The following CNNM2 variants were observed in gnomAD, a reference collection of about 807,000 sequenced individuals.
CNNM2 encodes the protein cyclin and CBS domain divalent metal cation transport mediator 2.
CNNM2 carries 12 observed loss-of-function variants against 66.9 expected under a neutral mutation model. The observed-to-expected ratio is 0.18, with a 90% CI of 0.11 to 0.29. CNNM2 has a LOEUF of 0.29. CNNM2 is among the 10% of genes least tolerant of loss of function. The pLI is 1.00. For synonymous variants in CNNM2, 557 were observed against 501.8 expected (o/e 1.11, Z -1.47); for missense variants, 705 against 1,167.7 (o/e 0.60, Z 5.77).
chr10:102,961,761 CAA>C (rs2063383301), intron 1 of CNNM2, among the ~76,000 whole-genome samples: 1 of 151,948 alleles, frequency 6.6e-6, no homozygotes, highest in African/African-American at 2.4e-5. Context: ...GAAAATTTTA[CAA>C]AGTTTTAAAA....
intron 1 of CNNM2, among the ~76,000 whole-genome samples, chr10:102,950,273 G>T (rs566710239): frequency 2.6e-5 from 4 of 152,126 alleles, no homozygotes; most frequent in Non-Finnish European, 4.4e-5. Flanking sequence ...AGGTAAAAAT[G>T]AAATGTTTGT....
At chr10:103,072,787 G>T (rs1321686234) in intron 6 of CNNM2, among the ~76,000 whole-genome samples, 1 of 152,098 alleles carries the variant, frequency 6.6e-6, no homozygotes, top group Non-Finnish European at 1.5e-5. Flanking sequence ...CATAAACTTG[G>T]CCACAAAACC....
At position 102,918,777 on chromosome 10, in the gene CNNM2, C is replaced by T. The variant is rs552030425; in HGVS notation, c.297C>T (p.Thr99=). 2.0e-5 allele frequency: 32 copies of T among 1,598,974 alleles called. No individual in the cohort carries two copies. The South Asian group carries it at 3.0e-4, about 15-fold the overall frequency. Residue 99 remains threonine, a synonymous_variant, in exon 1 of 8, where the codon ACC becomes ACT. Coordinates refer to ENST00000369878, the MANE Select transcript of CNNM2 (RefSeq NM_017649.5). This position sits in a 1 kb window ranked among gnomAD's most constrained non-coding sequence, Gnocchi z 4.1. ...EGGALRVSER[T]RVKLRVYGQN... ...GGGCGCTGCGGGTGAGCGAACGGAC[C>T]CGGGTCAAGCTGCGGGTGTACGGGC...
intron 1 of CNNM2, among the ~76,000 whole-genome samples, chr10:102,946,593 G>A (rs1846626357): frequency 6.6e-6 from 1 of 151,966 alleles, no homozygotes; most frequent in African/African-American, 2.4e-5. Flanking sequence ...ATTCTTCCCT[G>A]CTTGTGCAAC....
chr10:103,010,892 C>T (rs571925716), intron 1 of CNNM2, among the ~76,000 whole-genome samples: 2 of 152,240 alleles, frequency 1.3e-5, no homozygotes, highest in South Asian at 4.1e-4. Flanking sequence ...GGATTACAGG[C>T]GTAAGCTACC....
At chr10:102,952,435 G>T (rs1403551413) in intron 1 of CNNM2, among the ~76,000 whole-genome samples, 2 of 151,894 alleles carry the variant, frequency 1.3e-5, no homozygotes, top group African/African-American at 4.8e-5. Context: ...GTGGTGGCGG[G>T]TGCCTGTAGT....
At chr10:103,072,053 A>G (rs967716116) in intron 6 of CNNM2, among the ~76,000 whole-genome samples, 1 of 152,130 alleles carries the variant, frequency 6.6e-6, no homozygotes, top group African/African-American at 2.4e-5. Context: ...CAAAGTCACC[A>G]TGCACAGGAG....
intron 1 of CNNM2, among the ~76,000 whole-genome samples, chr10:102,948,313 T>A (rs1188767071): frequency 1.3e-5 from 2 of 152,006 alleles, no homozygotes; most frequent in Non-Finnish European, 2.9e-5. Flanking sequence ...TATTGGCAGG[T>A]GGGACGGGAG....
In CNNM2 at chr10:103,079,963, G is replaced by A. The variant is rs1311975868; in HGVS notation, c.*2783G>A. 1 of 152,174 alleles carries A rather than the reference G, an allele frequency of 6.6e-6. No individual in the cohort carries two copies. The highest frequency in any genetic ancestry group is 2.4e-5 in the African/African-American group (1 of 41,434). The allele number at this position is 152,174 out of a possible 1,614,324, so 9.4% of individuals were successfully genotyped here. On this transcript the variant is annotated 3_prime_UTR_variant, in exon 8 of 8. Transcript: ENST00000369878. ...GGCTGTTGCTTCTTTGGGGCAGCAG[G>A]AGAATGACTTTGGCTTGGAAGGCCT...
At chr10:102,978,892 G>A (rs186368395) in intron 1 of CNNM2, among the ~76,000 whole-genome samples, 1 of 152,204 alleles carries the variant, frequency 6.6e-6, no homozygotes, top group East Asian at 1.9e-4. Context: ...ATTGAGTCTG[G>A]CTTCTTTTAT....
intron 1 of CNNM2, among the ~76,000 whole-genome samples, chr10:102,977,779 ACT>A (rs1295551961): frequency 3.3e-5 from 5 of 151,986 alleles, no homozygotes; most frequent in African/African-American, 4.8e-5. Context: ...CAAGAGCGAG[ACT>A]CTGTCTACTT....
intron 4 of CNNM2, among the ~76,000 whole-genome samples, chr10:103,067,395 C>G (rs970364097): frequency 2.0e-5 from 3 of 152,112 alleles, no homozygotes; most frequent in African/African-American, 7.2e-5. Context: ...AGAGCTTGTT[C>G]TTTACTAAAT....
intron 1 of CNNM2, among the ~76,000 whole-genome samples, chr10:102,954,334 G>C (rs1332565682): frequency 6.6e-6 from 1 of 151,682 alleles, no homozygotes; most frequent in East Asian, 1.9e-4. Context: ...GGCTTGGGCT[G>C]TATCGAACTT....
At chr10:102,975,368 A>G (rs2063609685) in intron 1 of CNNM2, among the ~76,000 whole-genome samples, 1 of 151,148 alleles carries the variant, frequency 6.6e-6, no homozygotes, top group Non-Finnish European at 1.5e-5. Flanking sequence ...CAGCAGATGT[A>G]CTTCAGCCTT....
intron 1 of CNNM2, among the ~76,000 whole-genome samples, chr10:102,959,506 C>T (rs528932827): frequency 6.6e-6 from 1 of 152,186 alleles, no homozygotes; most frequent in South Asian, 2.1e-4. Flanking sequence ...AATTCTGGCT[C>T]CTTTGCTTAA....
chr10:102,929,259 A>C (rs1457813805), intron 1 of CNNM2, among the ~76,000 whole-genome samples: 1 of 151,986 alleles, frequency 6.6e-6, no homozygotes, highest in African/African-American at 2.4e-5. Context: ...ACTCTGTCTC[A>C]AAACAAGAAA....
At position 103,021,268 on chromosome 10, in the gene CNNM2, G is replaced by A. The variant is rs556392124; in HGVS notation, c.1622-28439G>A. ...TCCCTGACGAAGGAGACAGAGTGGA[G>A]AATGTAAGGAAACCAAAGAGAGTAG... is the stretch of plus-strand genomic sequence containing the variant. On this transcript the variant is annotated intron_variant, in intron 1 of 7. Transcript: ENST00000369878. 3.9e-5 allele frequency among the ~76,000 whole-genome samples: 6 copies of A among 152,256 alleles called. No individual in the cohort carries two copies. The South Asian group carries it at 1.0e-3, about 26-fold the overall frequency.
chr10:102,943,762 C>T (rs1001676802), intron 1 of CNNM2, among the ~76,000 whole-genome samples: 3 of 152,034 alleles, frequency 2.0e-5, no homozygotes, highest in Middle Eastern at 3.2e-3. Flanking sequence ...TATGTATATT[C>T]ATATGTATGT....
At chr10:103,044,453 G>A (rs2065094631) in intron 1 of CNNM2, among the ~76,000 whole-genome samples, 1 of 152,008 alleles carries the variant, frequency 6.6e-6, no homozygotes, top group East Asian at 1.9e-4. Flanking sequence ...CTGCTCAGGA[G>A]GCTGAGGTGG....
Sources: allele counts gnomAD v4.1 joint callset (sites outside exome capture counted in the v4.1 genomes callset), GRCh38; gene constraint gnomAD v4.1.1; non-coding constraint Gnocchi (gnomAD v3.1); transcripts MANE v1.5; gene names NCBI Gene and HGNC (gene_info 2026-07-23, HGNC 2026-07-21).